Variants in NRROS observed in about 807,000 individuals in gnomAD.
NRROS encodes the protein negative regulator of reactive oxygen species.
Under a neutral mutation model 12.0 loss-of-function variants are expected in NRROS, and 6 were observed. The observed-to-expected ratio is 0.50, with a 90% CI of 0.27 to 0.98. The LOEUF is 0.98. NRROS is among the 50% of genes least tolerant of loss of function. The probability of loss-of-function intolerance (pLI) is 0.11; values close to 1 mark genes in which losing one functional copy is unlikely to be tolerated. For synonymous variants in NRROS, 462 were observed against 410.2 expected, an observed-to-expected ratio of 1.13 and a Z score of -1.53; for missense variants, 857 against 888.2, an observed-to-expected ratio of 0.96 and a Z score of 0.45.
Position 196,654,766 on chromosome 3 carries a change from T to C in NRROS, c.108+119T>C. The C allele has an allele frequency of 1.5e-6, 1 of 649,648 alleles. No individual in the cohort carries two copies. The highest frequency in any genetic ancestry group is 2.7e-6 in the Non-Finnish European group (1 of 372,412). The allele number at this position is 649,648 out of a possible 1,614,324, so 40.2% of individuals were successfully genotyped here. A position where few individuals can be genotyped will look rare whatever the true frequency, so the allele number is the denominator to read the frequency against. ...CAGAGAATGAAGGAGCCTGCATCACTCTGTGCCTGCCTAGCACAGGGGCAT... is the reference window on the plus strand; with the variant it reads ...CAGAGAATGAAGGAGCCTGCATCACCCTGTGCCTGCCTAGCACAGGGGCAT... On this transcript the variant is annotated intron_variant, in intron 2 of 2. Coordinates refer to ENST00000328557, the MANE Select transcript of NRROS (RefSeq NM_198565.3). The surrounding 1 kb of genome is among the most constrained non-coding windows in gnomAD (Gnocchi z 4.4).
At chr3:196,644,742 C>T (rs182047956) in intron 1 of NRROS, among the ~76,000 whole-genome samples, 19 of 144,584 alleles carry the variant, frequency 1.3e-4, no homozygotes, top group Admixed American at 2.8e-4. Context: ...CATTGCACTC[C>T]AGTCTGGCGA....
At chr3:196,648,251 T>C (rs1220983609) in intron 1 of NRROS, among the ~76,000 whole-genome samples, 1 of 152,202 alleles carries the variant, frequency 6.6e-6, no homozygotes, top group Non-Finnish European at 1.5e-5. Context: ...CTGTCTCTAT[T>C]GAGCCATTTG....
At chr3:196,659,433 G>A (rs953876214) in intron 2 of NRROS, among the ~76,000 whole-genome samples, 7 of 151,476 alleles carry the variant, frequency 4.6e-5, no homozygotes, top group East Asian at 1.9e-4. Context: ...TCAGCCTCCG[G>A]AGTAGCTGGG....
rs571404681 is a variant in NRROS, at chr3:196,651,486, GCCAGGCACC to G, written c.-13-3040_-13-3032del. 4.5e-4 allele frequency among the ~76,000 whole-genome samples: 68 copies of G among 152,248 alleles called. No individual in the cohort carries two copies. The East Asian group carries it at 0.012, about 26-fold the overall frequency. On this transcript the variant is annotated intron_variant, in intron 1 of 2. Transcript: ENST00000328557. ...GGGTGAGGACAAGAGGAGAAGGTGGGCCAGGCACCATGACTCACGCCTGTAATCCCATCA... is the reference window on the plus strand; with the variant it reads ...GGGTGAGGACAAGAGGAGAAGGTGGGATGACTCACGCCTGTAATCCCATCA...
chr3:196,659,718 T>A (rs371891277), intron 2 of NRROS, 34 bp from the exon 3 acceptor site: 1 of 1,575,428 alleles, frequency 6.3e-7, no homozygotes, highest in Non-Finnish European at 8.6e-7. Context: ...CCTCTGGGCC[T>A]CCTCGCTGCT....
In NRROS at chr3:196,661,411, T is replaced by C; in HGVS notation, c.1768T>C (p.Tyr590His). ...EQLSRGLRTIYLSQNPYDCCG... is the reference protein window; with the variant it reads ...EQLSRGLRTIHLSQNPYDCCG... ...GCTCTCGAGAGGTCTGCGGACCATC[T>C]ACCTCAGTCAGAATCCATATGACTG... Residue 590 changes from tyrosine to histidine, a missense_variant, in exon 3 of 3, where the codon TAC (tyrosine) becomes CAC (histidine). By Grantham distance (83) the Tyr-to-His change is moderately conservative (BLOSUM62 2). Coordinates refer to ENST00000328557, the MANE Select transcript of NRROS (RefSeq NM_198565.3). 1 of 1,575,122 alleles carries C rather than the reference T, an allele frequency of 6.3e-7. No individual in the cohort carries two copies. The highest frequency in any genetic ancestry group is 8.6e-7 in the Non-Finnish European group (1 of 1,157,732).
chr3:196,656,578 C>T (rs143223311), intron 2 of NRROS, among the ~76,000 whole-genome samples: 9 of 152,296 alleles, frequency 5.9e-5, no homozygotes, highest in South Asian at 2.1e-4. Flanking sequence ...GTCAGTGCTA[C>T]GCGTTTTATC....
rs777784697 is a variant in NRROS at position 196,660,069 on chromosome 3, C to T, written c.426C>T (p.Asn142=). The change falls in exon 3 of 3, where the codon AAC becomes AAT. Residue 142 remains asparagine (N), a synonymous_variant. Coordinates refer to ENST00000328557, the MANE Select transcript of NRROS (RefSeq NM_198565.3). This position sits in a 1 kb window ranked among gnomAD's most constrained non-coding sequence, Gnocchi z 7.7. The part of the protein sequence containing the change: ...PGLRRLDLSG[N]ALTEDMAALM... ...TGCGGAGGCTGGACTTGTCAGGAAA[C>T]GCCCTGACGGAGGACATGGCAGCCC... 6 of 1,613,104 alleles carry T rather than the reference C, an allele frequency of 3.7e-6. No individual in the cohort carries two copies. The highest frequency in any genetic ancestry group is 1.3e-5 in the African/African-American group (1 of 74,938).
intron 2 of NRROS, among the ~76,000 whole-genome samples, chr3:196,658,906 A>C (rs113397764): frequency 9.9e-5 from 15 of 152,246 alleles, no homozygotes; most frequent in Non-Finnish European, 1.6e-4. Context: ...GGAGGCAGAG[A>C]TTGCAGTGAG....
Position 196,660,847 on chromosome 3 carries a change from G to T in NRROS, c.1204G>T (p.Gly402Cys), listed in dbSNP as rs1186367846. The change falls in exon 3 of 3, where the codon GGC (glycine) becomes TGC (cysteine). Residue 402 changes from glycine to cysteine, a missense_variant. Transcript: ENST00000328557. The surrounding 1 kb of genome is among the most constrained non-coding windows in gnomAD (Gnocchi z 7.7). ...GGCTCCGGGGCTGGCCAGCTGCCTG[G>T]GCAGCCTGCGCTTGTTCAACCTGAG... ...HLAPGLASCL[G>C]SLRLFNLSSN... is the part of the protein sequence containing the mutation. 2 of 1,613,782 alleles carry T rather than the reference G, an allele frequency of 1.2e-6. No individual in the cohort carries two copies. The highest frequency in any genetic ancestry group is 1.7e-6 in the Non-Finnish European group (2 of 1,180,028).
At chr3:196,648,018 A>C (rs1038597138) in intron 1 of NRROS, among the ~76,000 whole-genome samples, 7 of 152,182 alleles carry the variant, frequency 4.6e-5, no homozygotes, top group African/African-American at 1.7e-4. Context: ...TCCATTTTTA[A>C]CATAACAAAT....
chr3:196,649,799 C>T (rs1201084055), intron 1 of NRROS, among the ~76,000 whole-genome samples: 36 of 152,118 alleles, frequency 2.4e-4, no homozygotes, highest in Non-Finnish European at 2.2e-4. Context: ...CAGAGTGCCC[C>T]GAGAGCTGCC....
chr3:196,652,799 G>A (rs1737455451), intron 1 of NRROS, among the ~76,000 whole-genome samples: 1 of 152,044 alleles, frequency 6.6e-6, no homozygotes, highest in Non-Finnish European at 1.5e-5. Flanking sequence ...CGATACGCAG[G>A]GCTGGCTCTT....
In NRROS at chr3:196,660,012, G is replaced by C; in HGVS notation, c.369G>C (p.Glu123Asp). Residue 123 changes from glutamate to aspartate, a missense_variant, in exon 3 of 3, where the codon GAG becomes GAC. By Grantham distance (45) the Glu-to-Asp change is conservative. Transcript: ENST00000328557. The surrounding 1 kb of genome is among the most constrained non-coding windows in gnomAD (Gnocchi z 7.7). ...ACTGCCTCTCAGAGAACTACGAAGA[G>C]ACGGCAGCCGCCCTCCACGCCCTGC... ...GDNCLSENYEETAAALHALPG... is the reference protein window; with the variant it reads ...GDNCLSENYEDTAAALHALPG... 6.2e-7 allele frequency: 1 copy of C among 1,613,348 alleles called. No homozygotes were observed. Among genetic ancestry groups the C allele is most frequent in the Non-Finnish European group, 8.5e-7 (1 of 1,179,924 alleles).
At chr3:196,659,653 G>C in intron 2 of NRROS, 99 bp from the exon 3 acceptor site, 3 of 1,210,554 alleles carry the variant, frequency 2.5e-6, no homozygotes, top group Non-Finnish European at 3.4e-6. Context: ...AGCCATCCCC[G>C]GCGGTTGCAG....
chr3:196,649,527 A>G (rs900560611), intron 1 of NRROS, among the ~76,000 whole-genome samples: 6 of 152,024 alleles, frequency 3.9e-5, no homozygotes, highest in Non-Finnish European at 5.9e-5. Context: ...GCTGGAGTGC[A>G]GTGGCGTGAT....
chr3:196,649,625 C>T (rs1353878013), intron 1 of NRROS, among the ~76,000 whole-genome samples: 1 of 152,186 alleles, frequency 6.6e-6, no homozygotes, highest in Non-Finnish European at 1.5e-5. Flanking sequence ...GCGCCCGCCA[C>T]CGCGCCCGGC....
chr3:196,647,490 C>T (rs1264006805), intron 1 of NRROS, among the ~76,000 whole-genome samples: 1 of 152,172 alleles, frequency 6.6e-6, no homozygotes, highest in East Asian at 1.9e-4. Flanking sequence ...AATGCATCCA[C>T]CATTTGAATA....
Position 196,661,187 on chromosome 3 carries a change from T to A in NRROS, c.1544T>A (p.Val515Asp). Residue 515 changes from valine to aspartate, a missense_variant, in exon 3 of 3, where the codon GTC becomes GAC. Val to Asp is a radical substitution (Grantham distance 152). Transcript: ENST00000328557. ...CAGGATGTTGCCCCCATGTTACAGG[T>A]CCTGTCTCTCAGGAACATGGGCCTC... ...PLQDVAPMLQ[V>D]LSLRNMGLHS... 1 of 1,613,412 alleles carries A rather than the reference T, an allele frequency of 6.2e-7. No homozygotes were observed.
Sources: gnomAD v4.1 joint callset for allele counts (sites outside exome capture counted in the v4.1 genomes callset) on GRCh38, gnomAD v4.1.1 for gene constraint, Gnocchi (gnomAD v3.1) non-coding constraint, MANE v1.5 for transcripts, NCBI Gene and HGNC (gene_info 2026-07-23, HGNC 2026-07-21) for gene names.